C12orf42: variants seen among roughly 807,000 people sequenced by gnomAD.
The protein encoded by C12orf42 is uncharacterized protein C12orf42.
A neutral mutation model predicts 21.6 loss-of-function variants in C12orf42; 25 were observed. That is an observed-to-expected ratio of 1.16 (90% CI 0.84 to 1.62). C12orf42 has a LOEUF of 1.62. Among genes scored for constraint, C12orf42 ranks in the 40% most tolerant of loss-of-function variants. C12orf42 has a pLI of 0.00. For synonymous variants in C12orf42, 174 were observed against 175.0 expected (o/e 0.99, Z 0.05); for missense variants, 483 against 459.3 (o/e 1.05, Z -0.47).
intron 2 of C12orf42, among the ~76,000 whole-genome samples, chr12:103,462,689 G>T (rs920184866): frequency 3.9e-5 from 6 of 152,072 alleles, no homozygotes; most frequent in African/African-American, 7.2e-5. Context: ...AAAATTTAAG[G>T]AGTAAAATCA....
the C12orf42 span, among the ~76,000 whole-genome samples, chr12:103,561,578 C>T: frequency 1.3e-5 from 2 of 152,170 alleles, no homozygotes; most frequent in Non-Finnish European, 2.9e-5. Flanking sequence ...CTCCCAAAGA[C>T]CCCACCTCCT....
intron 4 of C12orf42, among the ~76,000 whole-genome samples, chr12:103,278,003 A>G (rs527358759): frequency 4.6e-5 from 7 of 152,326 alleles, no homozygotes; most frequent in Admixed American, 3.9e-4. Context: ...TAGAATATTG[A>G]AAGATTTTTA....
chr12:103,305,085 T>C (rs1275898181), intron 5 of C12orf42, among the ~76,000 whole-genome samples: 1 of 152,194 alleles, frequency 6.6e-6, no homozygotes, highest in Admixed American at 6.5e-5. Flanking sequence ...CTAACACTGA[T>C]GATAGCTAAT....
chr12:103,090,399 G>A, the C12orf42 span, among the ~76,000 whole-genome samples: 1 of 152,224 alleles, frequency 6.6e-6, no homozygotes, highest in South Asian at 2.1e-4. Context: ...AGATTGAAAT[G>A]GGAAGTTTGA....
chr12:103,448,586 T>C (rs1363797607), intron 2 of C12orf42, among the ~76,000 whole-genome samples: 4 of 151,540 alleles, frequency 2.6e-5, no homozygotes, highest in Non-Finnish European at 5.9e-5. Flanking sequence ...CTCAAATAAA[T>C]CAGCAAGAAA....
chr12:103,167,890 G>A, the C12orf42 span: 1 of 298,794 alleles, frequency 3.3e-6, no homozygotes, highest in Non-Finnish European at 6.4e-6. Context: ...GTGTGTGTGT[G>A]TGTGTGTGTG....
At chr12:103,076,815 TA>T in the C12orf42 span, among the ~76,000 whole-genome samples, 6 of 152,162 alleles carry the variant, frequency 3.9e-5, no homozygotes, top group Non-Finnish European at 7.3e-5. Flanking sequence ...ACCCTATAAT[TA>T]GGTATAATTA....
the C12orf42 span, among the ~76,000 whole-genome samples, chr12:103,554,967 G>T: frequency 0.015 from 2,266 of 152,206 alleles, 58 homozygotes; most frequent in African/African-American, 0.052. Context: ...AGTGAGCCTG[G>T]GAAAGGACGG....
intron 1 of C12orf42, among the ~76,000 whole-genome samples, chr12:103,493,247 G>A (rs186921881): frequency 3.2e-4 from 49 of 152,184 alleles, no homozygotes; most frequent in Non-Finnish European, 5.0e-4. Flanking sequence ...TACAGCTTTC[G>A]ACGATCTGAT....
chr12:103,226,826 C>T, the C12orf42 span, among the ~76,000 whole-genome samples: 2 of 151,942 alleles, frequency 1.3e-5, no homozygotes, highest in Non-Finnish European at 2.9e-5. Flanking sequence ...AGGGGACAGG[C>T]GGGAGGGAAA....
the C12orf42 span, among the ~76,000 whole-genome samples, chr12:103,147,850 A>C: frequency 2.0e-5 from 3 of 151,980 alleles, no homozygotes; most frequent in African/African-American, 7.3e-5. Context: ...TTGCAGAGAA[A>C]GTCTGTTTAC....
intron 2 of C12orf42, among the ~76,000 whole-genome samples, chr12:103,457,328 G>C (rs1018404053): frequency 2.0e-5 from 3 of 152,196 alleles, no homozygotes; most frequent in African/African-American, 7.2e-5. Flanking sequence ...AGTAAAAGAA[G>C]CTACTGGCAG....
chr12:103,367,498 C>T (rs954076687), intron 4 of C12orf42, among the ~76,000 whole-genome samples: 2 of 150,724 alleles, frequency 1.3e-5, no homozygotes. Context: ...AATGAGAAAG[C>T]ACTCAATGCA....
intron 2 of C12orf42, among the ~76,000 whole-genome samples, chr12:103,420,774 C>A (rs939658127): frequency 2.0e-5 from 3 of 152,152 alleles, no homozygotes; most frequent in Admixed American, 6.5e-5. Flanking sequence ...CCGCCTCGGC[C>A]TCCCAAAGTG....
At chr12:103,543,768 C>G in the C12orf42 span, among the ~76,000 whole-genome samples, 2 of 152,128 alleles carry the variant, frequency 1.3e-5, no homozygotes, top group Non-Finnish European at 2.9e-5. Context: ...TTACAACTTT[C>G]TTACTAATCA....
chr12:103,137,349 T>A, the C12orf42 span, among the ~76,000 whole-genome samples: 1,707 of 150,892 alleles, frequency 0.011, 33 homozygotes, highest in African/African-American at 0.039. Context: ...AGAATGGCTA[T>A]TTTTAAAAAG....
At chr12:103,182,262 C>T in the C12orf42 span, among the ~76,000 whole-genome samples, 1 of 152,088 alleles carries the variant, frequency 6.6e-6, no homozygotes, top group Non-Finnish European at 1.5e-5. Context: ...AAAATATATA[C>T]CAGAGCCATG....
intron 3 of C12orf42, among the ~76,000 whole-genome samples, chr12:103,379,537 A>C (rs2045989913): frequency 6.6e-6 from 1 of 152,230 alleles, no homozygotes; most frequent in Non-Finnish European, 1.5e-5. Context: ...AGACCTAAAG[A>C]TGTTGCTTCT....
At chr12:103,558,253 T>C in the C12orf42 span, 1 of 152,204 alleles carries the variant, frequency 6.6e-6, no homozygotes, top group Admixed American at 6.5e-5. Flanking sequence ...TTTAAAAATA[T>C]AAATCAATTG....
Sources: allele counts gnomAD v4.1 joint callset (sites outside exome capture counted in the v4.1 genomes callset), GRCh38; gene constraint gnomAD v4.1.1; transcripts MANE v1.5; gene names NCBI Gene and HGNC (gene_info 2026-07-23, HGNC 2026-07-21).